EDA: variants seen among roughly 807,000 people sequenced by gnomAD.
EDA encodes the protein ectodysplasin A, also known as ectodysplasin-A.
Under a neutral mutation model 23.6 loss-of-function variants are expected in EDA, and 2 were observed. That is an observed-to-expected ratio of 0.08 (90% confidence interval 0.03 to 0.27). EDA has a LOEUF of 0.27. Ranked by LOEUF, EDA falls within the 10% of genes least tolerant of loss-of-function variation. EDA has a pLI of 1.00. For missense variants in EDA, 229 were observed against 324.2 expected, an observed-to-expected ratio of 0.71 and a Z score of 2.26; for synonymous variants, 131 against 132.0, an observed-to-expected ratio of 0.99 and a Z score of 0.05.
At chrX:69,981,802 A>G (rs2019412257) in intron 2 of EDA, among the ~76,000 whole-genome samples, 2 of 112,183 alleles carry the variant, frequency 1.8e-5, no homozygotes, top group African/African-American at 6.5e-5. Flanking sequence ...AAGATTAGGT[A>G]ATTTGCCCAA....
chrX:69,726,965 C>T (rs1454445410), intron 1 of EDA, among the ~76,000 whole-genome samples: 1 of 111,986 alleles, frequency 8.9e-6, no homozygotes, highest in Non-Finnish European at 1.9e-5. Flanking sequence ...GTCAGAATGG[C>T]AGTGTTTTAC....
At chrX:69,845,726 A>G (rs1006179221) in intron 1 of EDA, among the ~76,000 whole-genome samples, 1 of 111,869 alleles carries the variant, frequency 8.9e-6, no homozygotes, top group Non-Finnish European at 1.9e-5. Flanking sequence ...ATAAAAATAC[A>G]TTGAGTCTTC....
chrX:69,708,463 A>G (rs750501855), intron 1 of EDA, among the ~76,000 whole-genome samples: 4 of 98,977 alleles, frequency 4.0e-5, no homozygotes, highest in African/African-American at 1.5e-4. Flanking sequence ...GTAAGGACTC[A>G]AGTATGGAGG....
intron 1 of EDA, among the ~76,000 whole-genome samples, chrX:69,927,376 G>A (rs1429435661): frequency 9.0e-6 from 1 of 111,566 alleles, no homozygotes; most frequent in Non-Finnish European, 1.9e-5. Context: ...GCATTTGCTT[G>A]TCTGGAAAGG....
chrX:69,664,656 T>C (rs2147259698), intron 1 of EDA, among the ~76,000 whole-genome samples: 1 of 81,912 alleles, frequency 1.2e-5, no homozygotes, highest in Non-Finnish European at 2.2e-5. Flanking sequence ...TTAGGCCAAA[T>C]AATATTTCAT....
intron 1 of EDA, among the ~76,000 whole-genome samples, chrX:69,861,404 T>C (rs2017381967): frequency 9.0e-6 from 1 of 110,923 alleles, no homozygotes; most frequent in Non-Finnish European, 1.9e-5. Context: ...AACAATAAAA[T>C]AGTAGAAATA....
At chrX:69,843,675 G>A (rs1322142910) in intron 1 of EDA, among the ~76,000 whole-genome samples, 2 of 110,441 alleles carry the variant, frequency 1.8e-5, no homozygotes, top group Non-Finnish European at 3.8e-5. Flanking sequence ...TTCATATAAA[G>A]ACAGGTACTT....
intron 1 of EDA, among the ~76,000 whole-genome samples, chrX:69,835,538 CT>C (rs1196850296): frequency 8.9e-6 from 1 of 111,923 alleles, no homozygotes; most frequent in African/African-American, 3.3e-5. Flanking sequence ...TCACGTAGTT[CT>C]CGTGGCATGG....
At chrX:69,814,065 A>T in intron 1 of EDA, among the ~76,000 whole-genome samples, 1 of 112,954 alleles carries the variant, frequency 8.9e-6, no homozygotes, top group Middle Eastern at 4.6e-3. Flanking sequence ...ACGAAGGTTA[A>T]CAAACAACAA....
intron 1 of EDA, among the ~76,000 whole-genome samples, chrX:69,887,201 T>G (rs1162548691): frequency 9.0e-6 from 1 of 111,310 alleles, no homozygotes; most frequent in East Asian, 2.8e-4. Flanking sequence ...ACCAGCTACT[T>G]GGGATGCTGA....
chrX:69,680,435 A>G (rs1197261673), intron 1 of EDA, among the ~76,000 whole-genome samples: 2 of 47,160 alleles, frequency 4.2e-5, no homozygotes, highest in Non-Finnish European at 6.1e-5. Context: ...AAAGTCTCCC[A>G]TTATTAATGT....
At chrX:69,764,308 T>C (rs2014406218) in intron 1 of EDA, among the ~76,000 whole-genome samples, 1 of 91,195 alleles carries the variant, frequency 1.1e-5, no homozygotes, top group African/African-American at 4.2e-5. Flanking sequence ...AGTGGTCCAA[T>C]CTCAGCTCAC....
chrX:69,998,323 C>G (rs1165316868), intron 2 of EDA, among the ~76,000 whole-genome samples: 1 of 112,675 alleles, frequency 8.9e-6, no homozygotes, highest in Non-Finnish European at 1.9e-5. Flanking sequence ...TGCTGGATTT[C>G]AGACTTGCAT....
intron 1 of EDA, among the ~76,000 whole-genome samples, chrX:69,911,895 G>A (rs59754776): frequency 0.027 from 3,051 of 112,234 alleles, 104 homozygotes; most frequent in African/African-American, 0.093. Flanking sequence ...GGTGGCTGTG[G>A]CACTTTCTTA....
chrX:69,719,436 T>C (rs1029680484), intron 1 of EDA, among the ~76,000 whole-genome samples: 1 of 111,075 alleles, frequency 9.0e-6, no homozygotes, highest in Non-Finnish European at 1.9e-5. Context: ...GCTTTTAGTG[T>C]ACCTGTCACC....
At chrX:69,875,082 T>G (rs1217023100) in intron 1 of EDA, among the ~76,000 whole-genome samples, 2 of 111,581 alleles carry the variant, frequency 1.8e-5, no homozygotes, top group African/African-American at 6.5e-5. Flanking sequence ...ACAAGTTCAA[T>G]TCTCATCACA....
rs927238593 is a variant in EDA at position 69,892,476 on chromosome X, T to C, written c.397-64551T>C. Among the ~76,000 whole-genome samples the C allele has an allele frequency of 6.3e-5, 7 of 111,313 alleles. No homozygotes were observed. The East Asian group carries it at 1.4e-3, about 22-fold the overall frequency. On this transcript the variant is annotated intron_variant, in intron 1 of 7. Transcript: ENST00000374552. ...CAAACTAACAAAAATGTCACACTTATGCTGTGACCACAGCTACTATTGTCC... is the reference window on the plus strand; with the variant it reads ...CAAACTAACAAAAATGTCACACTTACGCTGTGACCACAGCTACTATTGTCC...
chrX:70,033,288 C>T, intron 6 of EDA, 110 bp from the exon 7 acceptor site: 1 of 1,070,425 alleles, frequency 9.3e-7, no homozygotes, highest in South Asian at 1.9e-5. Flanking sequence ...TTCTAGGCTA[C>T]CCTGGTTGCA....
intron 1 of EDA, among the ~76,000 whole-genome samples, chrX:69,747,093 G>C (rs759317762): frequency 9.0e-6 from 1 of 111,687 alleles, no homozygotes; most frequent in Non-Finnish European, 1.9e-5. Flanking sequence ...GTCCTACTGG[G>C]AGAGGCAGGC....
Sources: gnomAD v4.1 joint callset for allele counts (sites outside exome capture counted in the v4.1 genomes callset) on GRCh38, gnomAD v4.1.1 for gene constraint, MANE v1.5 for transcripts, NCBI Gene and HGNC (gene_info 2026-07-23, HGNC 2026-07-21) for gene names.